The following ZNF107 variants were observed in gnomAD, a reference collection of about 807,000 sequenced individuals.
ZNF107 encodes the protein zinc finger protein 107, also known as C2H2 type zinc-finger protein.
ZNF107 carries 19 observed loss-of-function variants against 12.3 expected under a neutral mutation model. The ratio of observed to expected loss-of-function variants is 1.55; its 90% CI spans 1.08 to 2.27. The LOEUF is 2.27. Ranked by LOEUF, ZNF107 falls within the 30% of genes most tolerant of loss-of-function variation. The pLI, the probability that ZNF107 is intolerant of heterozygous loss-of-function variation, is 0.00. For missense variants in ZNF107, 958 were observed against 979.9 expected, an observed-to-expected ratio of 0.98 and a Z score of 0.30; for synonymous variants, 317 against 330.5, an observed-to-expected ratio of 0.96 and a Z score of 0.44.
intron 1 of ZNF107, chr7:64,679,350 A>C: frequency 1.0e-6 from 1 of 985,122 alleles, no homozygotes; most frequent in Non-Finnish European, 1.2e-6. Flanking sequence ...AGAGACCTCC[A>C]TCCTTTCTCA....
At chr7:64,687,096 A>T (rs1006515995) in intron 1 of ZNF107, 3 of 985,090 alleles carry the variant, frequency 3.0e-6, no homozygotes, top group African/African-American at 3.5e-5. Flanking sequence ...TTTTCTTAAG[A>T]TGCTTTTCTT....
chr7:64,705,875 C>T (rs746443581), intron 3 of ZNF107, among the ~76,000 whole-genome samples: 4 of 151,712 alleles, frequency 2.6e-5, no homozygotes, highest in Non-Finnish European at 5.9e-5. Flanking sequence ...TCTTTCAGCC[C>T]TCTATGTCAT....
chr7:64,683,048 T>C (rs549368193), intron 1 of ZNF107, among the ~76,000 whole-genome samples: 4 of 152,142 alleles, frequency 2.6e-5, no homozygotes, highest in Non-Finnish European at 5.9e-5. Context: ...CCAAGGCAGG[T>C]TATGCTATTT....
chr7:64,666,359 G>A (rs1284848259), intron 1 of ZNF107, 74 bp downstream of exon 1: 5 of 1,570,554 alleles, frequency 3.2e-6, no homozygotes, highest in African/African-American at 1.4e-5. Flanking sequence ...GGCTGTGGCT[G>A]GACTCGGGCC....
At chr7:64,670,783 G>A (rs897097566) in intron 1 of ZNF107, among the ~76,000 whole-genome samples, 30 of 152,234 alleles carry the variant, frequency 2.0e-4, no homozygotes, top group South Asian at 6.2e-4. Context: ...TTCCTGGGTT[G>A]TATCTTGTAT....
chr7:64,686,807 TCC>T (rs1789934523), intron 1 of ZNF107: 1 of 888,582 alleles, frequency 1.1e-6, no homozygotes, highest in Non-Finnish European at 1.3e-6. Flanking sequence ...AAGACTGCTC[TCC>T]CTCACACCTC....
chr7:64,684,835 A>G (rs1789837647), intron 1 of ZNF107: 1 of 608,192 alleles, frequency 1.6e-6, no homozygotes, highest in South Asian at 7.3e-5. Context: ...GCTACCTGGC[A>G]TGGCCGCACT....
intron 1 of ZNF107, among the ~76,000 whole-genome samples, chr7:64,670,156 A>T (rs1028185218): frequency 2.0e-5 from 3 of 152,220 alleles, no homozygotes; most frequent in Admixed American, 6.5e-5. Flanking sequence ...GCAGTATTTT[A>T]CTTTTTGTAA....
At chr7:64,666,874 AT>A (rs1789026466) in intron 1 of ZNF107, among the ~76,000 whole-genome samples, 1 of 147,976 alleles carries the variant, frequency 6.8e-6, no homozygotes, top group South Asian at 2.1e-4. Flanking sequence ...AAACTCAATA[AT>A]TGGTTAGGTA....
At position 64,708,821 on chromosome 7, in the gene ZNF107, T is replaced by A. The variant is rs1790791456; in HGVS notation, c.*165T>A. On this transcript the variant is annotated 3_prime_UTR_variant, in exon 4 of 4. Coordinates refer to ENST00000620827, the MANE Select transcript of ZNF107 (RefSeq NM_001282359.2). ...AATGTAAAGAATGTGGCACAGCTTT[T>A]AACTAATCTTCAAACCTTACTGAAA... 3 of 732,874 alleles carry A rather than the reference T, an allele frequency of 4.1e-6. No individual in the cohort carries two copies. Among genetic ancestry groups the A allele is most frequent in the Non-Finnish European group, 6.6e-6 (3 of 454,492 alleles). The allele number at this position is 732,874 out of a possible 1,614,324, so 45.4% of individuals were successfully genotyped here. A position where few individuals can be genotyped will look rare whatever the true frequency, so the allele number is the denominator to read the frequency against.
At position 64,710,028 on chromosome 7, in the gene ZNF107, T is replaced by C; in HGVS notation, c.*1372T>C. 1 of 222,064 alleles carries C rather than the reference T, an allele frequency of 4.5e-6. No homozygotes were observed. The highest frequency in any genetic ancestry group is 8.9e-6 in the Non-Finnish European group (1 of 111,954). The allele number at this position is 222,064 out of a possible 1,614,324, so 13.8% of individuals were successfully genotyped here. ...CTGTAATCCCAGCTAATTGGGAGGC[T>C]GAAGCAGGAGAATTGCTCAAACCTG... On this transcript the variant is annotated 3_prime_UTR_variant, in exon 4 of 4. Transcript: ENST00000620827.
chr7:64,680,005 TC>T (rs1789592900), intron 1 of ZNF107, among the ~76,000 whole-genome samples: 1 of 151,868 alleles, frequency 6.6e-6, no homozygotes. Context: ...CCGATATTTC[TC>T]CTCCCTGCCC....
chr7:64,701,796 T>G (rs1790485626), intron 3 of ZNF107, among the ~76,000 whole-genome samples: 1 of 152,056 alleles, frequency 6.6e-6, no homozygotes, highest in Non-Finnish European at 1.5e-5. Flanking sequence ...ATTTTTTGTA[T>G]TTTTTGTAGA....
intron 1 of ZNF107, chr7:64,679,215 T>G: frequency 1.0e-6 from 1 of 984,946 alleles, no homozygotes; most frequent in Non-Finnish European, 1.2e-6. Context: ...AAATCCGGGA[T>G]AGGGGAACTC....
chr7:64,703,017 ATTC>A (rs555042171), intron 3 of ZNF107, among the ~76,000 whole-genome samples: 60 of 151,926 alleles, frequency 3.9e-4, no homozygotes, highest in African/African-American at 1.2e-3. Flanking sequence ...TTTTTTCTAT[ATTC>A]TTCTTCTAAT....
chr7:64,696,589 C>T (rs1338224900), intron 3 of ZNF107, among the ~76,000 whole-genome samples: 1 of 151,788 alleles, frequency 6.6e-6, no homozygotes, highest in East Asian at 1.9e-4. Context: ...AGAAATTTTA[C>T]ATCTTGTGAA....
At chr7:64,698,425 CT>C (rs889015014) in intron 3 of ZNF107, among the ~76,000 whole-genome samples, 55 of 145,096 alleles carry the variant, frequency 3.8e-4, no homozygotes, top group Admixed American at 3.5e-4. Context: ...TTGAATTTTT[CT>C]TTTTTTTTTT....
At chr7:64,687,202 G>C (rs1021429367) in intron 1 of ZNF107, 1 of 986,376 alleles carries the variant, frequency 1.0e-6, no homozygotes, top group Non-Finnish European at 1.2e-6. Flanking sequence ...CTATCCCATG[G>C]TGTCTGTTAA....
At chr7:64,703,070 G>A (rs1261826758) in intron 3 of ZNF107, among the ~76,000 whole-genome samples, 3 of 151,568 alleles carry the variant, frequency 2.0e-5, no homozygotes, top group Non-Finnish European at 4.4e-5. Flanking sequence ...GATGGCATTC[G>A]ATAAGTTTTG....
Sources: allele counts gnomAD v4.1 joint callset (sites outside exome capture counted in the v4.1 genomes callset), GRCh38; gene constraint gnomAD v4.1.1; transcripts MANE v1.5; gene names NCBI Gene and HGNC (gene_info 2026-07-23, HGNC 2026-07-21).